EXO1: variants seen among roughly 807,000 people sequenced by gnomAD.
EXO1 encodes exonuclease 1.
Under a neutral mutation model 84.5 loss-of-function variants are expected in EXO1, and 69 were observed. The observed-to-expected ratio is 0.82, with a 90% CI of 0.67 to 1.00. The LOEUF (loss-of-function observed/expected upper bound fraction) is 1.00. EXO1 is among the 50% of genes least tolerant of loss of function. EXO1 has a pLI of 0.00. For synonymous variants in EXO1, 373 were observed against 366.1 expected, an observed-to-expected ratio of 1.02 and a Z score of -0.21; for missense variants, 1,045 against 1,000.7, an observed-to-expected ratio of 1.04 and a Z score of -0.60.
At chr1:241,861,143 G>C (rs1052804919) in intron 9 of EXO1, among the ~76,000 whole-genome samples, 1 of 152,220 alleles carries the variant, frequency 6.6e-6, no homozygotes, top group African/African-American at 2.4e-5. Flanking sequence ...GTGGTGGCTA[G>C]GACTTTCCCC....
Position 241,881,925 on chromosome 1 carries a change from T to G in EXO1, c.2119T>G (p.Cys707Gly). The G allele has an allele frequency of 6.5e-7, 1 of 1,536,288 alleles. No homozygotes were observed. Residue 707 changes from cysteine (C) to glycine (G), a missense_variant, in exon 14 of 16, where the codon TGC (cysteine) becomes GGC (glycine). By Grantham distance (159) the Cys-to-Gly change is radical. Transcript: ENST00000366548. ...SKDSDSEESD[C>G]NIKLLDSQSD... ...GATCTGGGGACTCTAGGAATCTGAT[T>G]GCAATATTAAGTTACTTGACAGTCA...
At chr1:241,869,059 CA>C (rs1358933448) in intron 11 of EXO1, among the ~76,000 whole-genome samples, 2 of 152,112 alleles carry the variant, frequency 1.3e-5, no homozygotes, top group African/African-American at 4.8e-5. Context: ...TCTCCTTTTC[CA>C]GTTTAAATAC....
intron 6 of EXO1, among the ~76,000 whole-genome samples, chr1:241,855,707 A>AG (rs1257606368): frequency 6.6e-6 from 1 of 152,170 alleles, no homozygotes; most frequent in Non-Finnish European, 1.5e-5. Context: ...GGCGGGCTGC[A>AG]GTCCCGAGTC....
At chr1:241,876,166 G>C (rs1447627091) in intron 12 of EXO1, among the ~76,000 whole-genome samples, 2 of 152,128 alleles carry the variant, frequency 1.3e-5, no homozygotes, top group African/African-American at 2.4e-5. Flanking sequence ...TTGTTCAGAG[G>C]GTGCATTAAG....
chr1:241,884,654 T>C (rs1255124839), intron 14 of EXO1, among the ~76,000 whole-genome samples: 1 of 12,776 alleles, frequency 7.8e-5, no homozygotes, highest in Non-Finnish European at 4.5e-4. Flanking sequence ...TGCCTGTGTG[T>C]GTGTGTGTGT....
At chr1:241,866,717 CT>C in intron 10 of EXO1, 112 bp from the exon 11 acceptor site, 2 of 796,278 alleles carry the variant, frequency 2.5e-6, no homozygotes, top group South Asian at 2.9e-5. Context: ...TCATCAACAG[CT>C]ATTGTTTTTA....
At chr1:241,885,222 A>AAAT in intron 14 of EXO1, 92 bp from the exon 15 acceptor site, 1 of 688,598 alleles carries the variant, frequency 1.5e-6, no homozygotes, top group Admixed American at 3.4e-5. Flanking sequence ...GTAAATAAAT[A>AAAT]AATAAATAAA....
intron 10 of EXO1, among the ~76,000 whole-genome samples, chr1:241,862,473 C>T (rs543299423): frequency 2.0e-5 from 3 of 152,142 alleles, no homozygotes; most frequent in African/African-American, 4.8e-5. Context: ...CTGTCTCTTG[C>T]GTCTCTGATT....
At chr1:241,849,715 T>TA (rs1375608757) in intron 3 of EXO1, among the ~76,000 whole-genome samples, 1 of 152,264 alleles carries the variant, frequency 6.6e-6, no homozygotes, top group Non-Finnish European at 1.5e-5. Context: ...TTTCTACTCC[T>TA]ATTTGAATTT....
rs1238512844 is a variant in EXO1, at chr1:241,861,244, CTG to C, written c.945-158_945-157del. On this transcript the variant is annotated intron_variant, in intron 9 of 15. Coordinates refer to ENST00000366548, the MANE Select transcript of EXO1 (RefSeq NM_130398.4). ...GCAGAGACAGATAGAGACTAGCAAA[CTG>C]TGTCTGCTTTCAGTAATGCTGATGT... is the stretch of plus-strand genomic sequence containing the variant. 5.9e-5 allele frequency among the ~76,000 whole-genome samples: 9 copies of C among 152,342 alleles called. 1 individual carries two copies. Among genetic ancestry groups the C allele is most frequent in the Middle Eastern group, 6.8e-3 (2 of 292 alleles).
At chr1:241,862,795 C>CTT (rs879792346) in intron 10 of EXO1, among the ~76,000 whole-genome samples, 1 of 152,342 alleles carries the variant, frequency 6.6e-6, no homozygotes, top group South Asian at 2.1e-4. Context: ...CCTCTTGCCT[C>CTT]TTTGAGTTGT....
chr1:241,858,071 G>A (rs995379869), intron 7 of EXO1, among the ~76,000 whole-genome samples: 2 of 152,164 alleles, frequency 1.3e-5, no homozygotes, highest in Non-Finnish European at 2.9e-5. Flanking sequence ...AGGGAATAGG[G>A]ATGACTTGTT....
At chr1:241,883,336 G>A (rs151038325) in intron 14 of EXO1, among the ~76,000 whole-genome samples, 23 of 152,292 alleles carry the variant, frequency 1.5e-4, no homozygotes, top group African/African-American at 5.1e-4. Flanking sequence ...CAGTTCTAGA[G>A]GCTGGGAAGT....
chr1:241,869,260 A>G (rs965344526), intron 11 of EXO1, among the ~76,000 whole-genome samples: 1 of 152,224 alleles, frequency 6.6e-6, no homozygotes, highest in South Asian at 2.1e-4. Context: ...AGATCCACAT[A>G]TATGTGGTCA....
At chr1:241,863,334 G>A (rs1661505142) in intron 10 of EXO1, among the ~76,000 whole-genome samples, 1 of 151,592 alleles carries the variant, frequency 6.6e-6, no homozygotes, top group Admixed American at 6.6e-5. Context: ...TCTACTGTCT[G>A]CTGAAAGAGA....
At chr1:241,882,123 C>A in intron 14 of EXO1, 106 bp downstream of exon 14, 1 of 643,302 alleles carries the variant, frequency 1.6e-6, no homozygotes, top group East Asian at 2.9e-5. Flanking sequence ...CCTGTAGTCT[C>A]ATTTATATAA....
At chr1:241,860,044 C>G (rs933053322) in intron 8 of EXO1, among the ~76,000 whole-genome samples, 2 of 152,168 alleles carry the variant, frequency 1.3e-5, no homozygotes, top group Non-Finnish European at 2.9e-5. Context: ...TTCCCTTTTT[C>G]ATCTATGAAT....
chr1:241,881,884 TTTTA>T (rs767758611), intron 13 of EXO1, 28 bp from the exon 14 acceptor site: 1 of 1,118,568 alleles, frequency 8.9e-7, no homozygotes, highest in Non-Finnish European at 1.3e-6. Flanking sequence ...AAAAATCTAA[TTTTA>T]TTTTATTTTT....
intron 4 of EXO1, among the ~76,000 whole-genome samples, chr1:241,851,367 C>T (rs1048850483): frequency 6.6e-6 from 1 of 152,136 alleles, no homozygotes; most frequent in Non-Finnish European, 1.5e-5. Flanking sequence ...ATCTACAACA[C>T]ATAGAAAAAA....
Sources: allele counts gnomAD v4.1 joint callset (sites outside exome capture counted in the v4.1 genomes callset), GRCh38; gene constraint gnomAD v4.1.1; transcripts MANE v1.5; gene names NCBI Gene and HGNC (gene_info 2026-07-23, HGNC 2026-07-21).